Variants in SNTG1 observed in about 807,000 individuals in gnomAD.
SNTG1 encodes the protein gamma-1-syntrophin.
SNTG1 carries 39 observed loss-of-function variants against 74.7 expected under a neutral mutation model. That is an observed-to-expected ratio of 0.52 (90% CI 0.40 to 0.68). The LOEUF (loss-of-function observed/expected upper bound fraction) is 0.68, where lower values mean the gene tolerates loss of function less well. Among genes scored for constraint, SNTG1 ranks in the 30% least tolerant of loss-of-function variants. The pLI, the probability that SNTG1 is intolerant of heterozygous loss-of-function variation, is 0.00. For synonymous variants in SNTG1, 254 were observed against 217.1 expected (o/e 1.17, Z -1.49); for missense variants, 685 against 609.5 (o/e 1.12, Z -1.30).
chr8:50,397,016 T>A (rs2092736634), intron 3 of SNTG1, among the ~76,000 whole-genome samples: 1 of 152,232 alleles, frequency 6.6e-6, no homozygotes, highest in Non-Finnish European at 1.5e-5. Flanking sequence ...TAGGAAGTAT[T>A]GCTTTTCAAT....
chr8:50,468,086 A>G (rs933073397), intron 8 of SNTG1, among the ~76,000 whole-genome samples: 1 of 151,810 alleles, frequency 6.6e-6, no homozygotes, highest in Non-Finnish European at 1.5e-5. Context: ...TTTTCCATAT[A>G]AGCTTGAAAA....
At chr8:50,740,169 A>G (rs111992526) in intron 17 of SNTG1, among the ~76,000 whole-genome samples, 9,063 of 152,000 alleles carry the variant, frequency 0.06, 312 homozygotes, top group Non-Finnish European at 0.072. Flanking sequence ...GAAACTATCA[A>G]CAGAGTGAAC....
chr8:50,550,423 G>T (rs888635606), intron 11 of SNTG1, among the ~76,000 whole-genome samples: 4 of 152,046 alleles, frequency 2.6e-5, no homozygotes, highest in Non-Finnish European at 5.9e-5. Flanking sequence ...AATTAGAAAT[G>T]ATATATATTT....
At chr8:49,987,335 A>C (rs1462521292) in intron 1 of SNTG1, among the ~76,000 whole-genome samples, 1 of 152,216 alleles carries the variant, frequency 6.6e-6, no homozygotes, top group Non-Finnish European at 1.5e-5. Flanking sequence ...CAACCATAAA[A>C]ATTAAAATTA....
At chr8:49,998,257 A>ATAAG (rs1186285631) in intron 1 of SNTG1, among the ~76,000 whole-genome samples, 2 of 152,166 alleles carry the variant, frequency 1.3e-5, no homozygotes, top group Non-Finnish European at 2.9e-5. Context: ...GTGGCTCTGG[A>ATAAG]TAAGTGAGTG....
intron 1 of SNTG1, among the ~76,000 whole-genome samples, chr8:50,102,740 G>A (rs1339084513): frequency 2.0e-5 from 3 of 151,130 alleles, no homozygotes; most frequent in African/African-American, 7.4e-5. Flanking sequence ...TTTTGTATAA[G>A]GTGTAAGGAA....
rs189271201 is a variant in SNTG1 at position 50,390,563 on chromosome 8, C to T, written c.-27-3649C>T. 7.1e-4 allele frequency among the ~76,000 whole-genome samples: 108 copies of T among 152,214 alleles called. 3 individuals are homozygous for T. In the East Asian group the frequency reaches 0.02, roughly 29 times the overall value. On this transcript the variant is annotated intron_variant, in intron 2 of 18. Coordinates refer to ENST00000642720, the MANE Select transcript of SNTG1 (RefSeq NM_018967.5). Reference sequence around the variant, plus strand: ...ACTTGGCAATGCTGGCTCTTGTTTGCTTCCATATGAACTTCAAAGTAGTTT... The same window carrying T: ...ACTTGGCAATGCTGGCTCTTGTTTGTTTCCATATGAACTTCAAAGTAGTTT...
At chr8:50,229,487 C>A (rs1057275404) in intron 2 of SNTG1, among the ~76,000 whole-genome samples, 2 of 151,454 alleles carry the variant, frequency 1.3e-5, no homozygotes, top group Admixed American at 6.6e-5. Flanking sequence ...AAAACCCAGA[C>A]TTCCAAACAA....
At chr8:50,306,372 TTTTTCATATAATA>T (rs1392928601) in intron 2 of SNTG1, among the ~76,000 whole-genome samples, 2 of 152,054 alleles carry the variant, frequency 1.3e-5, no homozygotes, top group African/African-American at 4.8e-5. Context: ...TGCATGTGTC[TTTTTCATATAATA>T]ACTCCTTTTT....
chr8:50,411,966 G>A (rs575906118), intron 4 of SNTG1, among the ~76,000 whole-genome samples: 2 of 152,104 alleles, frequency 1.3e-5, no homozygotes, highest in Non-Finnish European at 2.9e-5. Context: ...CTTTGATTAG[G>A]ATAGACAGAA....
intron 1 of SNTG1, among the ~76,000 whole-genome samples, chr8:49,917,394 A>G (rs1019276880): frequency 6.6e-6 from 1 of 152,338 alleles, no homozygotes; most frequent in African/African-American, 2.4e-5. Context: ...CATGGGATTT[A>G]GAATCAGACT....
intron 9 of SNTG1, among the ~76,000 whole-genome samples, chr8:50,518,712 G>A (rs1169566853): frequency 6.6e-6 from 1 of 152,112 alleles, no homozygotes; most frequent in Non-Finnish European, 1.5e-5. Flanking sequence ...TAGAAGAAAT[G>A]GGTAAATTCC....
intron 1 of SNTG1, among the ~76,000 whole-genome samples, chr8:50,165,524 C>T (rs936017683): frequency 3.9e-5 from 6 of 152,156 alleles, no homozygotes; most frequent in Non-Finnish European, 8.8e-5. Flanking sequence ...GGAAAGAGTA[C>T]AATTGACTTA....
chr8:50,091,273 T>TC (rs1372367454), intron 1 of SNTG1, among the ~76,000 whole-genome samples: 1 of 152,006 alleles, frequency 6.6e-6, no homozygotes, highest in Non-Finnish European at 1.5e-5. Flanking sequence ...GAATTTCTCT[T>TC]CCTTTTTTTT....
chr8:50,659,795 A>G (rs552583758), intron 15 of SNTG1, among the ~76,000 whole-genome samples: 1 of 152,040 alleles, frequency 6.6e-6, no homozygotes, highest in East Asian at 2.0e-4. Flanking sequence ...AGGAGATCAT[A>G]CACGACTCCA....
chr8:50,294,871 T>C (rs2130599817), intron 2 of SNTG1, among the ~76,000 whole-genome samples: 1 of 152,252 alleles, frequency 6.6e-6, no homozygotes, highest in East Asian at 1.9e-4. Flanking sequence ...GGAGCAGATG[T>C]GCAGGTGAGT....
rs1585673352 is a variant in SNTG1 at position 49,961,514 on chromosome 8, G to C, written c.-103+49283G>C. Among the ~76,000 whole-genome samples the C allele has an allele frequency of 2.0e-5, 3 of 152,194 alleles. No homozygotes were observed. The South Asian group carries it at 6.2e-4, about 32-fold the overall frequency. On this transcript the variant is annotated intron_variant, in intron 1 of 18. Coordinates refer to ENST00000642720, the MANE Select transcript of SNTG1 (RefSeq NM_018967.5). ...TTCCTGAAACAAAATTTTCAATATT[G>C]TCTTTTTTGTTGCTGTTGAAGGTCT...
At chr8:50,465,898 A>G (rs1313836071) in intron 8 of SNTG1, among the ~76,000 whole-genome samples, 1 of 152,154 alleles carries the variant, frequency 6.6e-6, no homozygotes, top group Admixed American at 6.5e-5. Context: ...ATGAAGTGCT[A>G]TAACATTTCC....
chr8:50,547,891 C>CT (rs1335166125), intron 11 of SNTG1, among the ~76,000 whole-genome samples: 2 of 152,068 alleles, frequency 1.3e-5, no homozygotes, highest in Non-Finnish European at 2.9e-5. Flanking sequence ...CTTCAAATGC[C>CT]TTCGAGATGG....
Sources: gnomAD v4.1 joint callset for allele counts (sites outside exome capture counted in the v4.1 genomes callset) on GRCh38, gnomAD v4.1.1 for gene constraint, MANE v1.5 for transcripts, NCBI Gene and HGNC (gene_info 2026-07-23, HGNC 2026-07-21) for gene names.